TLL2: variants seen among roughly 807,000 people sequenced by gnomAD.
The protein encoded by TLL2 is tolloid-like protein 2.
Under a neutral mutation model 123.0 loss-of-function variants are expected in TLL2, and 106 were observed. The observed-to-expected ratio is 0.86, with a 90% CI of 0.74 to 1.01. The LOEUF (loss-of-function observed/expected upper bound fraction) is 1.01. Among genes scored for constraint, TLL2 ranks in the 50% least tolerant of loss-of-function variants. The pLI, the probability that TLL2 is intolerant of heterozygous loss-of-function variation, is 0.00. For synonymous variants in TLL2, 494 were observed against 516.8 expected (o/e 0.96, Z 0.60); for missense variants, 1,332 against 1,336.7 (o/e 1.00, Z 0.06).
chr10:96,446,237 G>A, intron 2 of TLL2, 69 bp from the exon 3 acceptor site: 3 of 1,502,358 alleles, frequency 2.0e-6, no homozygotes, highest in South Asian at 2.3e-5. Flanking sequence ...CAAGGGATGA[G>A]GGAGCAAACC....
intron 16 of TLL2, among the ~76,000 whole-genome samples, chr10:96,382,491 A>G (rs1454071716): frequency 1.3e-5 from 2 of 152,254 alleles, no homozygotes; most frequent in Admixed American, 1.3e-4. Context: ...CTGGTAAAAG[A>G]ACAATCAATG....
At chr10:96,455,692 A>G (rs993752238) in intron 2 of TLL2, among the ~76,000 whole-genome samples, 1 of 152,264 alleles carries the variant, frequency 6.6e-6, no homozygotes, top group Non-Finnish European at 1.5e-5. Flanking sequence ...ACGGGGAGGC[A>G]TGAATAATCC....
chr10:96,375,463 A>C (rs943777747), intron 18 of TLL2: 2 of 152,066 alleles, frequency 1.3e-5, no homozygotes, highest in African/African-American at 2.4e-5. Context: ...GCCTCCCCCG[A>C]GGTCCTCGGG....
At chr10:96,371,469 G>A (rs1200387375) in intron 19 of TLL2, among the ~76,000 whole-genome samples, 1 of 152,232 alleles carries the variant, frequency 6.6e-6, no homozygotes, top group Non-Finnish European at 1.5e-5. Flanking sequence ...AAACGCTGTT[G>A]TAGATTCTGG....
chr10:96,445,966 G>T, intron 3 of TLL2, 125 bp downstream of exon 3: 2 of 955,424 alleles, frequency 2.1e-6, no homozygotes, highest in Non-Finnish European at 3.3e-6. Flanking sequence ...TGGTTACATA[G>T]CATTGTGAAT....
At chr10:96,480,623 G>C (rs1388303888) in intron 1 of TLL2, among the ~76,000 whole-genome samples, 164 bp from the exon 2 acceptor site, 2 of 152,180 alleles carry the variant, frequency 1.3e-5, no homozygotes, top group African/African-American at 4.8e-5. Flanking sequence ...GGTGGAGGCA[G>C]AGGAACAGCA....
intron 10 of TLL2, among the ~76,000 whole-genome samples, chr10:96,402,933 G>A (rs1846409546): frequency 6.6e-6 from 1 of 152,040 alleles, no homozygotes; most frequent in South Asian, 2.1e-4. Context: ...TCTCCATCTT[G>A]GCCAACCACC....
At chr10:96,452,687 C>G (rs533228003) in intron 2 of TLL2, among the ~76,000 whole-genome samples, 36 of 152,354 alleles carry the variant, frequency 2.4e-4, no homozygotes, top group Non-Finnish European at 8.8e-5. Flanking sequence ...AATCCATGCT[C>G]ACAAAGCCTG....
chr10:96,447,869 A>G (rs1449120073), intron 2 of TLL2, among the ~76,000 whole-genome samples: 1 of 152,160 alleles, frequency 6.6e-6, no homozygotes, highest in Non-Finnish European at 1.5e-5. Flanking sequence ...TGCCCAGCCC[A>G]TCAGGGAAGC....
In TLL2 at chr10:96,386,133, G is replaced by C; in HGVS notation, c.1935C>G (p.Asn645Lys). 1 of 1,613,284 alleles carries C rather than the reference G, an allele frequency of 6.2e-7. No individual in the cohort carries two copies. Among genetic ancestry groups the C allele is most frequent in the Non-Finnish European group, 8.5e-7 (1 of 1,179,622 alleles). ...GWPKEYPTNK[N>K]CVWQVVAPAQ... ...CGGGGGCCACCACCTGCCAGACACA[G>C]TTTTTGTTTGTGGGATACTCCTTCG... The change falls in exon 15 of 21, where the codon AAC becomes AAG. Residue 645 changes from asparagine to lysine, a missense_variant. Coordinates refer to ENST00000357947, the MANE Select transcript of TLL2 (RefSeq NM_012465.4).
At chr10:96,374,353 C>A in intron 18 of TLL2, 1 of 163,324 alleles carries the variant, frequency 6.1e-6, no homozygotes, top group Non-Finnish European at 1.3e-5. Context: ...TGCCCAAGGT[C>A]ACATACTGAG....
chr10:96,376,923 G>T, intron 17 of TLL2, 104 bp from the exon 18 acceptor site: 3 of 1,287,396 alleles, frequency 2.3e-6, no homozygotes, highest in Non-Finnish European at 3.1e-6. Flanking sequence ...AATTGTCTCA[G>T]GGTCTTTATC....
intron 1 of TLL2, among the ~76,000 whole-genome samples, chr10:96,505,600 A>G (rs952752619): frequency 3.3e-5 from 5 of 152,214 alleles, no homozygotes; most frequent in Non-Finnish European, 5.9e-5. Flanking sequence ...GTGTCCCAGC[A>G]AGCCTAGGCA....
At position 96,432,931 on chromosome 10, in the gene TLL2, G is replaced by A. The variant is rs756457293; in HGVS notation, c.396C>T (p.Ser132=). ...DGRENTTLLH[S]PGTLHAAAKT... is the part of the protein sequence containing the mutation. ...TGGCTGCGGCATGCAAGGTCCCAGGGCTGTGCAGGAGTGTGGTATTCTCCC... is the reference window on the plus strand; with the variant it reads ...TGGCTGCGGCATGCAAGGTCCCAGGACTGTGCAGGAGTGTGGTATTCTCCC... The change falls in exon 4 of 21, where the codon AGC becomes AGT. Residue 132 remains serine (S), a synonymous_variant. Coordinates refer to ENST00000357947, the MANE Select transcript of TLL2 (RefSeq NM_012465.4). 27 of 1,614,024 alleles carry A rather than the reference G, an allele frequency of 1.7e-5. No individual in the cohort carries two copies. In the Middle Eastern group the frequency reaches 6.6e-4, roughly 39 times the overall value.
At chr10:96,409,192 T>A (rs1173640254) in intron 9 of TLL2, among the ~76,000 whole-genome samples, 2 of 152,200 alleles carry the variant, frequency 1.3e-5, no homozygotes, top group Non-Finnish European at 2.9e-5. Flanking sequence ...CATCCACATA[T>A]CCATTCAACA....
At chr10:96,383,564 G>T (rs1337681926) in intron 16 of TLL2, among the ~76,000 whole-genome samples, 2 of 152,074 alleles carry the variant, frequency 1.3e-5, no homozygotes, top group African/African-American at 2.4e-5. Flanking sequence ...TGATTGTGAG[G>T]CCTCCCCAGC....
intron 9 of TLL2, 144 bp downstream of exon 9, chr10:96,410,215 G>GC: frequency 1.6e-6 from 1 of 630,086 alleles, no homozygotes; most frequent in African/African-American, 1.8e-5. Flanking sequence ...AATAATGAAC[G>GC]TACAGCAAAC....
chr10:96,373,169 G>A (rs775602798), intron 19 of TLL2: 1 of 155,752 alleles, frequency 6.4e-6, no homozygotes, highest in Middle Eastern at 3.3e-3. Flanking sequence ...TAGAGACAAA[G>A]TCTCACTCTA....
At chr10:96,399,400 G>T (rs1290799518) in intron 10 of TLL2, among the ~76,000 whole-genome samples, 1 of 152,176 alleles carries the variant, frequency 6.6e-6, no homozygotes. Context: ...GAGGAGTAAA[G>T]GCCACTGTAG....
Sources: allele counts gnomAD v4.1 joint callset (sites outside exome capture counted in the v4.1 genomes callset), GRCh38; gene constraint gnomAD v4.1.1; transcripts MANE v1.5; gene names NCBI Gene and HGNC (gene_info 2026-07-23, HGNC 2026-07-21).